CSNK2A2IP: variants seen among roughly 807,000 people sequenced by gnomAD.
CSNK2A2IP encodes the protein casein kinase II subunit alpha'-interacting protein.
chr3:88,346,673 T>G, the CSNK2A2IP span, among the ~76,000 whole-genome samples: 1 of 151,988 alleles, frequency 6.6e-6, no homozygotes, highest in Non-Finnish European at 1.5e-5. Flanking sequence ...AATTTCTATA[T>G]TTTTCACAAT....
At chr3:88,359,524 G>T in the CSNK2A2IP span, among the ~76,000 whole-genome samples, 1 of 151,654 alleles carries the variant, frequency 6.6e-6, no homozygotes, top group Admixed American at 6.6e-5. Context: ...TTTCCTGTCA[G>T]TACTGCTTTG....
the CSNK2A2IP span, among the ~76,000 whole-genome samples, chr3:88,442,874 G>A: frequency 1.3e-5 from 2 of 151,500 alleles, no homozygotes; most frequent in Non-Finnish European, 2.9e-5. Flanking sequence ...AAGAAGACGG[G>A]CTATAATAAA....
chr3:88,466,836 G>T, the CSNK2A2IP span: 7 of 1,011,912 alleles, frequency 6.9e-6, no homozygotes, highest in African/African-American at 1.0e-4. Context: ...TTAGAGGAAA[G>T]AAAAATCCTC....
At chr3:88,363,715 T>C in the CSNK2A2IP span, among the ~76,000 whole-genome samples, 1 of 152,228 alleles carries the variant, frequency 6.6e-6, no homozygotes, top group Non-Finnish European at 1.5e-5. Flanking sequence ...AACAGTTATA[T>C]CCTTTCTGGT....
chr3:88,344,070 G>T, the CSNK2A2IP span, among the ~76,000 whole-genome samples: 1 of 151,862 alleles, frequency 6.6e-6, no homozygotes, highest in African/African-American at 2.4e-5. Context: ...TAAAAACTTT[G>T]TGGTAGAATT....
At chr3:88,411,425 C>T in the CSNK2A2IP span, among the ~76,000 whole-genome samples, 1 of 151,450 alleles carries the variant, frequency 6.6e-6, no homozygotes. Flanking sequence ...ATCTAACTGA[C>T]CTGTCTCTGC....
the CSNK2A2IP span, among the ~76,000 whole-genome samples, chr3:88,440,365 A>T: frequency 2.0e-5 from 3 of 152,164 alleles, no homozygotes; most frequent in Non-Finnish European, 4.4e-5. Flanking sequence ...AACATACAAT[A>T]GCTTATTATA....
the CSNK2A2IP span, among the ~76,000 whole-genome samples, chr3:88,362,649 C>G: frequency 6.6e-6 from 1 of 152,156 alleles, no homozygotes; most frequent in Non-Finnish European, 1.5e-5. Context: ...TTATTCAAAG[C>G]CAAAGGTCAC....
At chr3:88,434,967 C>A in the CSNK2A2IP span, among the ~76,000 whole-genome samples, 1 of 152,120 alleles carries the variant, frequency 6.6e-6, no homozygotes, top group Non-Finnish European at 1.5e-5. Flanking sequence ...TATCACCAAG[C>A]TTCACTCTCC....
the CSNK2A2IP span, among the ~76,000 whole-genome samples, chr3:88,409,377 A>G: frequency 1.3e-5 from 2 of 152,042 alleles, no homozygotes; most frequent in Non-Finnish European, 2.9e-5. Context: ...TTACCTAGCT[A>G]TTCAAATTAG....
the CSNK2A2IP span, among the ~76,000 whole-genome samples, chr3:88,357,531 C>T: frequency 1.3e-5 from 2 of 151,994 alleles, no homozygotes; most frequent in African/African-American, 4.8e-5. Flanking sequence ...AACTTTGTTC[C>T]TTTTGCTCAA....
the CSNK2A2IP span, among the ~76,000 whole-genome samples, chr3:88,394,036 G>C: frequency 6.6e-6 from 1 of 152,148 alleles, no homozygotes; most frequent in Admixed American, 6.5e-5. Context: ...CTTTGCTTGA[G>C]AGAAATGTGA....
the CSNK2A2IP span, among the ~76,000 whole-genome samples, chr3:88,446,710 G>A: frequency 6.6e-6 from 1 of 152,150 alleles, no homozygotes; most frequent in Non-Finnish European, 1.5e-5. Flanking sequence ...CGCCACTTAT[G>A]AGATGGTGAA....
At chr3:88,439,094 A>G in the CSNK2A2IP span, among the ~76,000 whole-genome samples, 1 of 152,072 alleles carries the variant, frequency 6.6e-6, no homozygotes, top group Non-Finnish European at 1.5e-5. Flanking sequence ...CATCTTTTCC[A>G]TGAAATCTTT....
the CSNK2A2IP span, among the ~76,000 whole-genome samples, chr3:88,401,155 GT>G: frequency 6.6e-6 from 1 of 151,998 alleles, no homozygotes; most frequent in Admixed American, 6.6e-5. Flanking sequence ...ATTGTTCTTT[GT>G]TTTTTGAGCA....
the CSNK2A2IP span, among the ~76,000 whole-genome samples, chr3:88,367,058 GAA>G: frequency 1.3e-5 from 2 of 152,036 alleles, no homozygotes; most frequent in Admixed American, 6.6e-5. Flanking sequence ...CAATACATGG[GAA>G]TTATGGGAAC....
chr3:88,453,981 T>A, the CSNK2A2IP span, among the ~76,000 whole-genome samples: 1 of 152,052 alleles, frequency 6.6e-6, no homozygotes. Flanking sequence ...ATGTGGTACA[T>A]GTATATTTAA....
chr3:88,395,773 G>A, the CSNK2A2IP span, among the ~76,000 whole-genome samples: 1 of 151,918 alleles, frequency 6.6e-6, no homozygotes, highest in Non-Finnish European at 1.5e-5. Context: ...ATTTCTTTTT[G>A]TCTCATAAAT....
the CSNK2A2IP span, among the ~76,000 whole-genome samples, chr3:88,370,430 C>G: frequency 6.6e-6 from 1 of 151,802 alleles, no homozygotes; most frequent in East Asian, 1.9e-4. Context: ...TGCGTAAGAT[C>G]TCAATGACTT....
Sources: gnomAD v4.1 joint callset for allele counts (sites outside exome capture counted in the v4.1 genomes callset) on GRCh38, gnomAD v4.1.1 for gene constraint, MANE v1.5 for transcripts, NCBI Gene and HGNC (gene_info 2026-07-23, HGNC 2026-07-21) for gene names.